MTMR4: variants seen among roughly 807,000 people sequenced by gnomAD.
The protein encoded by MTMR4 is myotubularin related protein 4, also known as phosphatidylinositol-3,5-bisphosphate 3-phosphatase MTMR4.
Under a neutral mutation model 125.5 loss-of-function variants are expected in MTMR4, and 30 were observed. The ratio of observed to expected loss-of-function variants is 0.24; its 90% CI spans 0.18 to 0.32. The LOEUF is 0.32. Among genes scored for constraint, MTMR4 ranks in the 10% least tolerant of loss-of-function variants. The pLI is 1.00. For synonymous variants in MTMR4, 498 were observed against 564.5 expected (o/e 0.88, Z 1.67); for missense variants, 1,039 against 1,511.5 (o/e 0.69, Z 5.18).
chr17:58,507,149 G>T lies in MTMR4; in HGVS notation c.878C>A (p.Thr293Asn), dbSNP rs1975800256. 1 of 1,614,042 alleles carries T rather than the reference G, an allele frequency of 6.2e-7. No individual in the cohort carries two copies. The highest frequency in any genetic ancestry group is 1.3e-5 in the African/African-American group (1 of 74,910). Residue 293 changes from threonine (T) to asparagine (N), a missense_variant, in exon 8 of 18, where the codon ACC becomes AAC. Physicochemically the swap from Thr to Asn is moderately conservative, Grantham distance 65 (BLOSUM62 0). This residue lies in a region of MTMR4 where 49 missense variants were observed against 68.4 expected (regional missense o/e 0.72). Coordinates refer to ENST00000682306, the MANE Select transcript of MTMR4 (RefSeq NM_001378067.1). ...AAAGTCAGCATCACACGCCTCGCTG[G>T]TATCATTATTCCCGGTGCTGAGGGA... The part of the protein sequence containing the change: ...GGSLSTGNND[T>N]SEACDADFDS...
Position 58,495,186 on chromosome 17 carries a change from G to A in MTMR4, c.2998C>T (p.His1000Tyr). 1.2e-6 allele frequency: 2 copies of A among 1,614,230 alleles called. No homozygotes were observed. The highest frequency in any genetic ancestry group is 1.7e-6 in the Non-Finnish European group (2 of 1,180,048). The change falls in exon 15 of 18, where the codon CAT becomes TAT. Residue 1000 changes from histidine to tyrosine, a missense_variant. By Grantham distance (83) the His-to-Tyr change is moderately conservative. Coordinates refer to ENST00000682306, the MANE Select transcript of MTMR4 (RefSeq NM_001378067.1). ...TTTGTGCTAGAGACTTGCTTTGGATGACTGGACAACCACATCTGGTTCTTT... is the reference window on the plus strand; with the variant it reads ...TTTGTGCTAGAGACTTGCTTTGGATAACTGGACAACCACATCTGGTTCTTT... ...GGKNQMWLSS[H>Y]PKQVSSTKPV...
At chr17:58,513,348 C>G (rs1975987256) in intron 1 of MTMR4, among the ~76,000 whole-genome samples, 1 of 152,062 alleles carries the variant, frequency 6.6e-6, no homozygotes, top group Non-Finnish European at 1.5e-5. Context: ...CAGCTGGTTT[C>G]AGAGAGAAGG....
Position 58,503,826 on chromosome 17 carries a change from A to G in MTMR4, c.1771T>C (p.Cys591Arg). Residue 591 changes from cysteine (C) to arginine (R), a missense_variant, in exon 14 of 18, where the codon TGC (cysteine) becomes CGC (arginine). By Grantham distance (180) the Cys-to-Arg change is radical. Around this residue, in one of 6 missense-constraint regions of MTMR4, gnomAD observed 619 missense variants for 714.5 expected, o/e 0.87. Transcript: ENST00000682306. Reference protein sequence around the residue: ...TAVYLPASSPCTLGEENMDLY... With the variant: ...TAVYLPASSPRTLGEENMDLY... ...TCCATGTTTTCTTCCCCAAGTGTGC[A>G]TGGAGATGATGCTGGCAGATAAACA... The G allele has an allele frequency of 6.2e-7, 1 of 1,614,148 alleles. No homozygotes were observed. Among genetic ancestry groups the G allele is most frequent in the Non-Finnish European group, 8.5e-7 (1 of 1,180,014 alleles).
chr17:58,494,801 G>T, intron 15 of MTMR4, 131 bp downstream of exon 15: 1 of 779,574 alleles, frequency 1.3e-6, no homozygotes, highest in Non-Finnish European at 2.0e-6. Context: ...TTGCTTACTT[G>T]TTTTTCATCC....
At chr17:58,502,447 C>T (rs1453264116) in intron 14 of MTMR4, among the ~76,000 whole-genome samples, 1 of 151,200 alleles carries the variant, frequency 6.6e-6, no homozygotes, top group Non-Finnish European at 1.5e-5. Flanking sequence ...CATGAGCCAC[C>T]GTGCCCAGCC....
chr17:58,518,072 G>A (rs2042043933), upstream of MTMR4, among the ~76,000 whole-genome samples: 1 of 152,228 alleles, frequency 6.6e-6, no homozygotes, highest in South Asian at 2.1e-4. Context: ...CCAATCGGAT[G>A]CCTAAAGACG....
At position 58,504,841 on chromosome 17, in the gene MTMR4, G is replaced by A; in HGVS notation, c.1279C>T (p.Arg427Cys). ...GCCAGGGCTACGATCTGCGGTGTGC[G>A]GTCCCAGCCATCTGAGCAGTGTACC... Reference protein sequence around the residue: ...VLVHCSDGWDRTPQIVALAKI... With the variant: ...VLVHCSDGWDCTPQIVALAKI... Residue 427 changes from arginine to cysteine, a missense_variant, in exon 11 of 18, where the codon CGC (arginine) becomes TGC (cysteine). By Grantham distance (180) the Arg-to-Cys change is radical. Around this residue, in one of 6 missense-constraint regions of MTMR4, gnomAD observed 107 missense variants for 267.4 expected, o/e 0.40. Transcript: ENST00000682306. This position sits in a 1 kb window ranked among gnomAD's most constrained non-coding sequence, Gnocchi z 7.1. 2.5e-6 allele frequency: 4 copies of A among 1,614,104 alleles called. No homozygotes were observed. Among genetic ancestry groups the A allele is most frequent in the South Asian group, 2.2e-5 (2 of 91,074 alleles).
At chr17:58,501,826 G>A (rs541942367) in intron 14 of MTMR4, among the ~76,000 whole-genome samples, 2 of 151,982 alleles carry the variant, frequency 1.3e-5, no homozygotes, top group South Asian at 4.1e-4. Context: ...TTGGGAGGCC[G>A]AGATGGTGGA....
At position 58,512,752 on chromosome 17, in the gene MTMR4, G is replaced by C; in HGVS notation, c.135+100C>G. 1 of 1,046,732 alleles carries C rather than the reference G, an allele frequency of 9.6e-7. No individual in the cohort carries two copies. The highest frequency in any genetic ancestry group is 1.5e-6 in the Non-Finnish European group (1 of 686,822). The allele number at this position is 1,046,732 out of a possible 1,614,324, so 64.8% of individuals were successfully genotyped here. A position where few individuals can be genotyped will look rare whatever the true frequency, so the allele number is the denominator to read the frequency against. Reference sequence around the variant, plus strand: ...AGAGACCAGGGAACATGAAGCCAGAGCTCTGGTACCAGATGCCCTTGAGGA... The same window carrying C: ...AGAGACCAGGGAACATGAAGCCAGACCTCTGGTACCAGATGCCCTTGAGGA... On this transcript the variant is annotated intron_variant, in intron 2 of 17. Coordinates refer to ENST00000682306, the MANE Select transcript of MTMR4 (RefSeq NM_001378067.1). This position sits in a 1 kb window ranked among gnomAD's most constrained non-coding sequence, Gnocchi z 4.1.
In MTMR4 at chr17:58,495,289, G is replaced by A. The variant is rs1975429240; in HGVS notation, c.2895C>T (p.Gly965=). ...TCACACCTTCTCTCTGAGCCCACTG[G>A]CCCCCAAAGCAGGGCCCTGTGGCCC... is the stretch of plus-strand genomic sequence containing the variant. ...QMRATGPCFG[G]QWAQREGVKS... The change falls in exon 15 of 18, where the codon GGC becomes GGT. Residue 965 remains glycine (G), a synonymous_variant. Coordinates refer to ENST00000682306, the MANE Select transcript of MTMR4 (RefSeq NM_001378067.1). 6.8e-6 allele frequency: 11 copies of A among 1,614,066 alleles called. No individual in the cohort carries two copies. The highest frequency in any genetic ancestry group is 9.3e-6 in the Non-Finnish European group (11 of 1,180,062).
rs1975420185 is a variant in MTMR4, at chr17:58,495,147, T to G, written c.3037A>C (p.Asn1013His). ...AGAGGAGGCACTGGAGAAGGGCAGT[T>G]CAGTGGAACGGGCTTTGTGCTAGAG... ...QVSSTKPVPL[N>H]CPSPVPPLYL... The change falls in exon 15 of 18, where the codon AAC (asparagine) becomes CAC (histidine). Residue 1013 changes from asparagine (N) to histidine (H), a missense_variant. Physicochemically the swap from Asn to His is moderately conservative, Grantham distance 68. Transcript: ENST00000682306. 2 of 1,614,230 alleles carry G rather than the reference T, an allele frequency of 1.2e-6. No individual in the cohort carries two copies. Among genetic ancestry groups the G allele is most frequent in the Non-Finnish European group, 1.7e-6 (2 of 1,180,038 alleles).
chr17:58,492,488 C>T (rs767413216), intron 17 of MTMR4, 23 bp downstream of exon 17: 1 of 1,609,670 alleles, frequency 6.2e-7, no homozygotes, highest in Non-Finnish European at 8.5e-7. Flanking sequence ...TTTTGTCATA[C>T]TAAATCATAC....
intron 4 of MTMR4, 146 bp downstream of exon 4, chr17:58,511,283 C>T: frequency 1.3e-6 from 1 of 749,570 alleles, no homozygotes. Flanking sequence ...ACTGACCTCC[C>T]AACCCAGAAC....
chr17:58,504,347 G>A lies in MTMR4; in HGVS notation c.1483C>T (p.Leu495Phe). The A allele has an allele frequency of 6.2e-7, 1 of 1,614,120 alleles. No individual in the cohort carries two copies. The highest frequency in any genetic ancestry group is 2.2e-5 in the East Asian group (1 of 44,876). The change falls in exon 12 of 18, where the codon CTT becomes TTT. Residue 495 changes from leucine to phenylalanine, a missense_variant. Leu to Phe is a conservative substitution (Grantham distance 22). Coordinates refer to ENST00000682306, the MANE Select transcript of MTMR4 (RefSeq NM_001378067.1). This position sits in a 1 kb window ranked among gnomAD's most constrained non-coding sequence, Gnocchi z 7.1. ...TCAAACAGGCAGGGGAACTGCTTAA[G>A]CAACTGATGAACAGAATCAAGCCAC... ...LQWLDSVHQL[L>F]KQFPCLFEFN... is the part of the protein sequence containing the mutation.
intron 14 of MTMR4, among the ~76,000 whole-genome samples, chr17:58,496,817 G>T (rs901176970): frequency 6.6e-6 from 1 of 152,222 alleles, no homozygotes; most frequent in African/African-American, 2.4e-5. Flanking sequence ...TAACCTCTCA[G>T]ATACTTGGTT....
intron 14 of MTMR4, among the ~76,000 whole-genome samples, chr17:58,500,747 C>CAAAAAAAAAAAAAAAAAAAA (rs60355286): frequency 1.1e-5 from 1 of 92,182 alleles, no homozygotes; most frequent in Non-Finnish European, 2.1e-5. Context: ...GATTCTGTCT[C>CAAAAAAAAAAAAAAAAAAAA]AAAAAAAAAA....
rs1460860951 is a variant in MTMR4 at position 58,497,619 on chromosome 17, G to A, written c.1854-1289C>T. ...TACTTGTTTAACTCCCTCTACTGAA[G>A]TGTCCTGAAGGCAGGACTCTGTCTT... On this transcript the variant is annotated intron_variant, in intron 14 of 17. Coordinates refer to ENST00000682306, the MANE Select transcript of MTMR4 (RefSeq NM_001378067.1). 5.3e-5 allele frequency among the ~76,000 whole-genome samples: 8 copies of A among 152,262 alleles called. No individual in the cohort carries two copies. In the East Asian group the frequency reaches 9.6e-4, roughly 18 times the overall value.
upstream of MTMR4, chr17:58,514,765 G>C: frequency 4.0e-6 from 3 of 748,270 alleles, no homozygotes; most frequent in Non-Finnish European, 4.9e-6. Flanking sequence ...GTAGGAGGGC[G>C]TACCCTACTC....
At position 58,508,071 on chromosome 17, in the gene MTMR4, A is replaced by T; in HGVS notation, c.707+90T>A. 1.1e-6 allele frequency: 1 copy of T among 905,520 alleles called. No individual in the cohort carries two copies. Among genetic ancestry groups the T allele is most frequent in the Non-Finnish European group, 1.8e-6 (1 of 565,204 alleles). 56.1% of individuals were successfully genotyped at this position (905,520 alleles called of 1,614,324 possible). ...ACTTCCCCATAGAGTGTCAATTCTC[A>T]GTCAACCAGGTTACCCAAAATCTCC... On this transcript the variant is annotated intron_variant, in intron 7 of 17. Transcript: ENST00000682306. This position sits in a 1 kb window ranked among gnomAD's most constrained non-coding sequence, Gnocchi z 4.8.
Sources: allele counts gnomAD v4.1 joint callset (sites outside exome capture counted in the v4.1 genomes callset), GRCh38; gene constraint gnomAD v4.1.1; regional missense constraint gnomAD v4.1.1; non-coding constraint Gnocchi (gnomAD v3.1); transcripts MANE v1.5; gene names NCBI Gene and HGNC (gene_info 2026-07-23, HGNC 2026-07-21).